The following ITSN1 variants were observed in gnomAD, a reference collection of about 807,000 sequenced individuals.
The protein encoded by ITSN1 is intersectin 1.
Under a neutral mutation model 239.8 loss-of-function variants are expected in ITSN1, and 58 were observed. The ratio of observed to expected loss-of-function variants is 0.24; its 90% CI spans 0.20 to 0.30. ITSN1 has a LOEUF of 0.30. ITSN1 is among the 10% of genes least tolerant of loss of function. The pLI, the probability that ITSN1 is intolerant of heterozygous loss-of-function variation, is 1.00. For missense variants in ITSN1, 1,558 were observed against 2,103.3 expected (o/e 0.74, Z 5.07); for synonymous variants, 780 against 770.8 (o/e 1.01, Z -0.20).
At chr21:33,644,418 T>C (rs2087734752) in intron 1 of ITSN1, among the ~76,000 whole-genome samples, 1 of 152,180 alleles carries the variant, frequency 6.6e-6, no homozygotes, top group South Asian at 2.1e-4. Flanking sequence ...TCTGATAGTA[T>C]GATCTTTTTT....
intron 11 of ITSN1, among the ~76,000 whole-genome samples, chr21:33,770,184 C>T (rs1021578247): frequency 2.0e-5 from 3 of 152,060 alleles, no homozygotes; most frequent in African/African-American, 4.8e-5. Flanking sequence ...CTGCCTCAGC[C>T]TCCCGAGTAG....
chr21:33,789,741 G>C (rs1175347257), intron 16 of ITSN1, among the ~76,000 whole-genome samples: 1 of 152,186 alleles, frequency 6.6e-6, no homozygotes. Context: ...AGGAGAAACA[G>C]TCACAGTTAT....
At chr21:33,720,285 C>A (rs2065408303) in intron 2 of ITSN1, among the ~76,000 whole-genome samples, 2 of 152,192 alleles carry the variant, frequency 1.3e-5, no homozygotes, top group African/African-American at 4.8e-5. Flanking sequence ...AGGAGAGATG[C>A]AATGTTTAGA....
At chr21:33,663,651 G>T (rs138552690) in intron 1 of ITSN1, among the ~76,000 whole-genome samples, 3 of 152,016 alleles carry the variant, frequency 2.0e-5, no homozygotes, top group African/African-American at 7.2e-5. Context: ...TGCCCAGGCT[G>T]GAGTGCAATG....
intron 32 of ITSN1, among the ~76,000 whole-genome samples, chr21:33,866,090 T>C (rs1981522716): frequency 6.6e-6 from 1 of 152,218 alleles, no homozygotes. Context: ...AGGCATATCT[T>C]TGGATCTCAT....
chr21:33,643,591 A>G (rs577132650), intron 1 of ITSN1: 1 of 152,256 alleles, frequency 6.6e-6, no homozygotes, highest in South Asian at 2.1e-4. Context: ...TGGAAGAAAT[A>G]GATTAGCGGC....
intron 24 of ITSN1, among the ~76,000 whole-genome samples, chr21:33,822,993 T>C (rs1162265098): frequency 1.3e-5 from 2 of 152,256 alleles, no homozygotes; most frequent in African/African-American, 4.8e-5. Flanking sequence ...ATGCGAAGGA[T>C]ATATGCTATC....
intron 1 of ITSN1, among the ~76,000 whole-genome samples, chr21:33,672,001 T>C (rs1263682224): frequency 6.6e-6 from 1 of 151,982 alleles, no homozygotes; most frequent in Admixed American, 6.6e-5. Context: ...TCCCAGCACT[T>C]TGGGAGGCCG....
chr21:33,691,072 T>A (rs2091525379), intron 1 of ITSN1, among the ~76,000 whole-genome samples: 1 of 151,730 alleles, frequency 6.6e-6, no homozygotes, highest in Admixed American at 6.6e-5. Context: ...CAGTTTCTCT[T>A]CTCTGCTTCC....
intron 20 of ITSN1, among the ~76,000 whole-genome samples, chr21:33,807,145 G>T (rs1433999914): frequency 6.6e-6 from 1 of 152,296 alleles, no homozygotes; most frequent in South Asian, 2.1e-4. Flanking sequence ...AGATTTCTTT[G>T]CTTAAAAGTG....
Position 33,772,141 on chromosome 21 carries a change from C to T in ITSN1, c.1123C>T (p.Gln375Ter). ...LEKRRQALLE[Q>*]QRKEQERLAQ... ...GAAACGAAGGCAAGCTCTCCTGGAACAGCAGCGCAAGGAGCAGGAGCGCCT... is the reference window on the plus strand; with the variant it reads ...GAAACGAAGGCAAGCTCTCCTGGAATAGCAGCGCAAGGAGCAGGAGCGCCT... The change falls in exon 12 of 40, where the codon CAG becomes TAG. Residue 375 changes from glutamine to a stop codon, truncating the protein, a stop_gained. Coordinates refer to ENST00000381318, the MANE Select transcript of ITSN1 (RefSeq NM_003024.3). LOFTEE classifies it high-confidence loss of function. 6.2e-7 allele frequency: 1 copy of T among 1,614,238 alleles called. No individual in the cohort carries two copies. The highest frequency in any genetic ancestry group is 1.1e-5 in the South Asian group (1 of 91,086).
intron 8 of ITSN1, among the ~76,000 whole-genome samples, chr21:33,759,386 G>C (rs2068135025): frequency 6.6e-6 from 1 of 152,188 alleles, no homozygotes; most frequent in East Asian, 1.9e-4. Context: ...TAGAATCCAA[G>C]TCCCCTGATA....
intron 1 of ITSN1, among the ~76,000 whole-genome samples, chr21:33,676,129 G>T (rs2090576816): frequency 6.6e-6 from 1 of 151,414 alleles, no homozygotes; most frequent in Non-Finnish European, 1.5e-5. Context: ...CTGCCTCCTG[G>T]GTTCAAGCGA....
chr21:33,747,014 C>T lies in ITSN1; in HGVS notation c.347-3129C>T, dbSNP rs149522467. Among the ~76,000 whole-genome samples, 490 of 152,206 alleles carry T rather than the reference C, an allele frequency of 3.2e-3. 3 individuals are homozygous for T. Among genetic ancestry groups the T allele is most frequent in the Non-Finnish European group, 5.6e-3 (380 of 68,004 alleles). ...ACTAAAAATGCAGAAATTAGCTGGG[C>T]GTGGTGGCAGATGCCTGTAATCCCA... On this transcript the variant is annotated intron_variant, in intron 5 of 39. Transcript: ENST00000381318.
chr21:33,880,415 G>A (rs1017649936), intron 34 of ITSN1, among the ~76,000 whole-genome samples: 2 of 152,080 alleles, frequency 1.3e-5, no homozygotes, highest in African/African-American at 4.8e-5. Flanking sequence ...AGGAAGGGCT[G>A]GTTGGTCTCC....
chr21:33,674,840 A>G (rs2090498080), intron 1 of ITSN1, among the ~76,000 whole-genome samples: 1 of 152,316 alleles, frequency 6.6e-6, no homozygotes, highest in African/African-American at 2.4e-5. Context: ...TCCCCAAAGT[A>G]TCTTCTGACA....
At chr21:33,767,011 T>C (rs1409019941) in intron 10 of ITSN1, among the ~76,000 whole-genome samples, 1 of 151,688 alleles carries the variant, frequency 6.6e-6, no homozygotes, top group Non-Finnish European at 1.5e-5. Context: ...CTACTAAAAA[T>C]ACAAAAATTA....
Position 33,891,020 on chromosome 21 carries a change from T to A in ITSN1, c.*2720T>A, listed in dbSNP as rs1329655167. On this transcript the variant is annotated 3_prime_UTR_variant, in exon 40 of 40. Coordinates refer to ENST00000381318, the MANE Select transcript of ITSN1 (RefSeq NM_003024.3). ...TGAACTATCCTGGGACCTCTTGGGC[T>A]GAGCCTTCTTCACAGAGCAGTTCTC... 6.6e-6 allele frequency: 1 copy of A among 152,356 alleles called. No homozygotes were observed. Among genetic ancestry groups the A allele is most frequent in the African/African-American group, 2.4e-5 (1 of 41,468 alleles). The allele number at this position is 152,356 out of a possible 1,614,324, so 9.4% of individuals were successfully genotyped here.
chr21:33,747,735 A>G (rs1046709814), intron 5 of ITSN1, among the ~76,000 whole-genome samples: 3 of 152,266 alleles, frequency 2.0e-5, no homozygotes, highest in African/African-American at 7.2e-5. Flanking sequence ...CAGCAAAACT[A>G]TCATTTAAAA....
Sources: gnomAD v4.1 joint callset for allele counts (sites outside exome capture counted in the v4.1 genomes callset) on GRCh38, gnomAD v4.1.1 for gene constraint, MANE v1.5 for transcripts, NCBI Gene and HGNC (gene_info 2026-07-23, HGNC 2026-07-21) for gene names.